IQCK: variants seen among roughly 807,000 people sequenced by gnomAD.
IQCK encodes IQ domain-containing protein K.
IQCK carries 29 observed loss-of-function variants against 28.1 expected under a neutral mutation model. The observed-to-expected ratio is 1.03, with a 90% CI of 0.77 to 1.41. IQCK has a LOEUF of 1.41. Ranked by LOEUF, IQCK falls within the 40% of genes most tolerant of loss-of-function variation. The pLI, the probability that IQCK is intolerant of heterozygous loss-of-function variation, is 0.00. For missense variants in IQCK, 359 were observed against 314.7 expected, an observed-to-expected ratio of 1.14 and a Z score of -1.07; for synonymous variants, 113 against 115.1, an observed-to-expected ratio of 0.98 and a Z score of 0.12.
rs527637513 is a variant in IQCK, at chr16:19,763,532, T to C, written c.475-316T>C. ...GTCTCGGCTCACTGCAACCTCCACC[T>C]CCCAGGTTCAAGCAATTCTCCTGCC... On this transcript the variant is annotated intron_variant, in intron 4 of 7. Coordinates refer to ENST00000564186, the Ensembl canonical transcript of IQCK. Among the ~76,000 whole-genome samples, 366 of 152,138 alleles carry C rather than the reference T, an allele frequency of 2.4e-3. 1 individual carries two copies. Among genetic ancestry groups the C allele is most frequent in the Middle Eastern group, 0.01 (3 of 294 alleles).
chr16:19,821,396 A>T (rs918785966), intron 7 of IQCK, among the ~76,000 whole-genome samples: 2 of 152,068 alleles, frequency 1.3e-5, no homozygotes, highest in Admixed American at 1.3e-4. Context: ...TAGGTCTACA[A>T]CTCCCCTTCC....
chr16:19,761,522 C>T (rs921889101), intron 4 of IQCK: 44 of 421,446 alleles, frequency 1.0e-4, no homozygotes, highest in South Asian at 1.0e-4. Context: ...CACATGGCAA[C>T]GAACACCTCT....
intron 6 of IQCK, among the ~76,000 whole-genome samples, chr16:19,772,303 A>G (rs2055330233): frequency 1.3e-5 from 2 of 152,180 alleles, no homozygotes; most frequent in South Asian, 4.1e-4. Context: ...AAACACTAAG[A>G]TGAGGGTAGT....
intron 9 of IQCK, among the ~76,000 whole-genome samples, chr16:19,846,817 AT>A (rs537574236): frequency 4.5e-4 from 67 of 150,334 alleles, no homozygotes; most frequent in African/African-American, 1.2e-3. Context: ...AGGGGCATAG[AT>A]TTTTTTTTTC....
At position 19,764,121 on chromosome 16, in the gene IQCK, G is replaced by T. The variant is rs757772731; in HGVS notation, c.605+9G>T. Reference sequence around the variant, plus strand: ...GAGCGGCTAAAGCAACAGTGAGTATGACACAAGGCTTTGAATAATTTATTC... The same window carrying T: ...GAGCGGCTAAAGCAACAGTGAGTATTACACAAGGCTTTGAATAATTTATTC... On this transcript the variant is annotated intron_variant, in intron 6 of 7. Coordinates refer to ENST00000564186, the Ensembl canonical transcript of IQCK. 3 of 1,596,306 alleles carry T rather than the reference G, an allele frequency of 1.9e-6. No homozygotes were observed. The highest frequency in any genetic ancestry group is 1.1e-5 in the South Asian group (1 of 90,150).
chr16:19,854,348 G>A (rs377389198), intron 9 of IQCK, among the ~76,000 whole-genome samples: 2 of 152,044 alleles, frequency 1.3e-5, no homozygotes, highest in East Asian at 3.8e-4. Context: ...CTGGAAAAGG[G>A]CCCTGAATTT....
chr16:19,823,476 AAGAAG>A (rs2042131967), intron 7 of IQCK, among the ~76,000 whole-genome samples: 1 of 152,114 alleles, frequency 6.6e-6, no homozygotes, highest in South Asian at 2.1e-4. Context: ...TTGTGGCTTT[AAGAAG>A]AGAAGAGGAC....
At position 19,823,692 on chromosome 16, in the gene IQCK, T is replaced by G. The variant is rs562031732; in HGVS notation, c.691-3334T>G. ...TGGCTCACGCCTGTAATACCAGCACTTTGGGACGCCGAGGTGGGCAGACCA... is the reference window on the plus strand; with the variant it reads ...TGGCTCACGCCTGTAATACCAGCACGTTGGGACGCCGAGGTGGGCAGACCA... On this transcript the variant is annotated intron_variant, in intron 7 of 7. Transcript: ENST00000564186. 3.0e-3 allele frequency among the ~76,000 whole-genome samples: 463 copies of G among 152,290 alleles called. 1 individual carries two copies. The highest frequency in any genetic ancestry group is 5.2e-3 in the Non-Finnish European group (355 of 68,024).
intron 4 of IQCK, among the ~76,000 whole-genome samples, chr16:19,738,823 A>G (rs2054794475): frequency 6.6e-6 from 1 of 152,186 alleles, no homozygotes; most frequent in South Asian, 2.1e-4. Flanking sequence ...GTCCTTATTC[A>G]GGACTTGGTC....
intron 4 of IQCK, among the ~76,000 whole-genome samples, chr16:19,751,089 T>G (rs1328433811): frequency 6.6e-6 from 1 of 152,084 alleles, no homozygotes; most frequent in Non-Finnish European, 1.5e-5. Context: ...TCAGTTTTCT[T>G]ATCTATTAAG....
At chr16:19,852,489 A>G (rs955066326) in intron 9 of IQCK, among the ~76,000 whole-genome samples, 4 of 152,116 alleles carry the variant, frequency 2.6e-5, no homozygotes, top group Non-Finnish European at 4.4e-5. Context: ...TTCTCTGACT[A>G]TCATGATAGC....
chr16:19,781,913 C>T (rs1322699482), intron 6 of IQCK, among the ~76,000 whole-genome samples: 2 of 151,120 alleles, frequency 1.3e-5, no homozygotes, highest in African/African-American at 2.4e-5. Flanking sequence ...TACTTGAACC[C>T]GGGAGGCAGA....
intron 4 of IQCK, among the ~76,000 whole-genome samples, chr16:19,759,571 C>T (rs560537876): frequency 3.5e-4 from 53 of 152,206 alleles, no homozygotes; most frequent in Non-Finnish European, 6.3e-4. Context: ...TGTGGCCTGT[C>T]GTCACAGAGC....
chr16:19,770,239 CAT>C (rs1472896973), intron 6 of IQCK, among the ~76,000 whole-genome samples: 2 of 152,144 alleles, frequency 1.3e-5, no homozygotes, highest in African/African-American at 4.8e-5. Context: ...TACTCTAAGT[CAT>C]GTGTAAGTGT....
intron 7 of IQCK, among the ~76,000 whole-genome samples, chr16:19,805,917 T>C (rs1387514186): frequency 6.6e-6 from 1 of 151,252 alleles, no homozygotes. Context: ...GATGAACTCA[T>C]AGGGGTGTGG....
chr16:19,827,227 A>T, downstream of IQCK: 1 of 883,974 alleles, frequency 1.1e-6, no homozygotes, highest in Non-Finnish European at 1.9e-6. Context: ...GAGCTTTTGT[A>T]AGGTCCTTGT....
At chr16:19,723,266 C>G (rs73541456) in intron 1 of IQCK, among the ~76,000 whole-genome samples, 2,799 of 152,244 alleles carry the variant, frequency 0.018, 69 homozygotes, top group African/African-American at 0.064. Flanking sequence ...CAAATCTAAT[C>G]GCATCATGCT....
chr16:19,781,989 AAAC>A (rs2055491966), intron 6 of IQCK, among the ~76,000 whole-genome samples: 1 of 151,598 alleles, frequency 6.6e-6, no homozygotes, highest in Non-Finnish European at 1.5e-5. Flanking sequence ...ACTCCGCCTA[AAAC>A]AACAACAAAA....
chr16:19,737,674 C>G (rs1345861199), intron 4 of IQCK, among the ~76,000 whole-genome samples: 1 of 152,110 alleles, frequency 6.6e-6, no homozygotes, highest in Non-Finnish European at 1.5e-5. Flanking sequence ...GCCTAGCTTT[C>G]AAGGCTCTGC....
Sources: gnomAD v4.1 joint callset for allele counts (sites outside exome capture counted in the v4.1 genomes callset) on GRCh38, gnomAD v4.1.1 for gene constraint, MANE v1.5 for transcripts, NCBI Gene and HGNC (gene_info 2026-07-23, HGNC 2026-07-21) for gene names.